The following LRP8 variants were observed in gnomAD, a reference collection of about 807,000 sequenced individuals.
The protein encoded by LRP8 is low-density lipoprotein receptor-related protein 8.
Under a neutral mutation model 111.6 loss-of-function variants are expected in LRP8, and 46 were observed. The ratio of observed to expected loss-of-function variants is 0.41; its 90% confidence interval spans 0.33 to 0.53. The LOEUF (loss-of-function observed/expected upper bound fraction) is 0.53. Ranked by LOEUF, LRP8 falls within the 20% of genes least tolerant of loss-of-function variation. The pLI is 0.20. For missense variants in LRP8, 959 were observed against 1,297.4 expected (o/e 0.74, Z 4.01); for synonymous variants, 464 against 511.2 (o/e 0.91, Z 1.24).
At chr1:53,255,212 G>C in intron 15 of LRP8, 27 bp from the exon 16 acceptor site, 1 of 1,606,656 alleles carries the variant, frequency 6.2e-7, no homozygotes. Context: ...TTTGCAGAAT[G>C]ATGCTCTATC....
rs568935962 is a variant in LRP8 at position 53,319,385 on chromosome 1, G to A, written c.244+7488C>T. Among the ~76,000 whole-genome samples, 9 of 152,300 alleles carry A rather than the reference G, an allele frequency of 5.9e-5. No individual in the cohort carries two copies. The East Asian group carries it at 1.2e-3, about 20-fold the overall frequency. ...GGGTGTCTGTCCTGCCACATGCCAC[G>A]TTCCAAGGGGCAGGCGTGTAGAGGC... On this transcript the variant is annotated intron_variant, in intron 2 of 18. Transcript: ENST00000306052.
Position 53,257,281 on chromosome 1 carries a change from G to C in LRP8, c.2393C>G (p.Pro798Arg), listed in dbSNP as rs112833513. 9 of 1,614,116 alleles carry C rather than the reference G, an allele frequency of 5.6e-6. No homozygotes were observed. In the African/African-American group the frequency reaches 1.2e-4, roughly 22 times the overall value. Residue 798 changes from proline (P) to arginine (R), a missense_variant, in exon 15 of 19, where the codon CCG (proline) becomes CGG (arginine). Pro to Arg is a moderately radical substitution (Grantham distance 103, BLOSUM62 -2). Coordinates refer to ENST00000306052, the MANE Select transcript of LRP8 (RefSeq NM_004631.5). ...GCTGGTTGCAGGGCTTAGGGTAGACGGGCTGATGCTGGGAGCCCTGGGGAC... is the reference window on the plus strand; with the variant it reads ...GCTGGTTGCAGGGCTTAGGGTAGACCGGCTGATGCTGGGAGCCCTGGGGAC... ...VSVPRAPSISPSTLSPATSNH... is the reference protein window; with the variant it reads ...VSVPRAPSISRSTLSPATSNH...
chr1:53,309,899 A>C (rs917233637), intron 2 of LRP8, among the ~76,000 whole-genome samples: 1 of 152,074 alleles, frequency 6.6e-6, no homozygotes, highest in Non-Finnish European at 1.5e-5. Context: ...TTCTGAGCAG[A>C]ACCAACTTTG....
intron 6 of LRP8, among the ~76,000 whole-genome samples, chr1:53,272,378 A>G (rs1275203180): frequency 1.3e-5 from 2 of 152,142 alleles, no homozygotes; most frequent in African/African-American, 4.8e-5. Context: ...CCTGAGCTTT[A>G]GAGTCACAGA....
chr1:53,312,415 A>G (rs1653166327), intron 2 of LRP8, among the ~76,000 whole-genome samples: 1 of 152,194 alleles, frequency 6.6e-6, no homozygotes, highest in Non-Finnish European at 1.5e-5. Flanking sequence ...CCCAGGCCAG[A>G]GTGCAGCGGC....
chr1:53,299,141 C>T (rs1475933961), intron 2 of LRP8, among the ~76,000 whole-genome samples: 1 of 151,964 alleles, frequency 6.6e-6, no homozygotes, highest in East Asian at 1.9e-4. Flanking sequence ...CTGTGTGGAG[C>T]GAATGATTGA....
intron 2 of LRP8, among the ~76,000 whole-genome samples, chr1:53,323,713 G>C (rs1022665577): frequency 1.3e-5 from 2 of 152,242 alleles, no homozygotes; most frequent in Non-Finnish European, 2.9e-5. Context: ...CTGTGGATGA[G>C]GCTCGGGACT....
intron 3 of LRP8, among the ~76,000 whole-genome samples, chr1:53,286,889 C>T (rs913617560): frequency 2.0e-5 from 3 of 152,254 alleles, no homozygotes; most frequent in Admixed American, 6.5e-5. Flanking sequence ...CCATTTACTC[C>T]AGCGATGATA....
At chr1:53,298,989 C>T (rs1650285181) in intron 2 of LRP8, among the ~76,000 whole-genome samples, 1 of 152,222 alleles carries the variant, frequency 6.6e-6, no homozygotes, top group Admixed American at 6.5e-5. Context: ...TCTCGGCCCC[C>T]ACTAACTGTA....
chr1:53,299,766 G>A (rs1650457265), intron 2 of LRP8, among the ~76,000 whole-genome samples: 2 of 152,274 alleles, frequency 1.3e-5, no homozygotes, highest in Non-Finnish European at 2.9e-5. Flanking sequence ...TGGGCCGTCT[G>A]CCACTCCTGG....
chr1:53,300,517 G>A (rs574419345), intron 2 of LRP8, among the ~76,000 whole-genome samples: 15 of 152,294 alleles, frequency 9.8e-5, no homozygotes, highest in African/African-American at 3.6e-4. Flanking sequence ...CAGTGCCTAC[G>A]GGAAGCCCCT....
At position 53,264,543 on chromosome 1, in the gene LRP8, C is replaced by T; in HGVS notation, c.1428-147G>A. On this transcript the variant is annotated intron_variant, in intron 9 of 18. Coordinates refer to ENST00000306052, the MANE Select transcript of LRP8 (RefSeq NM_004631.5). Reference sequence around the variant, plus strand: ...TGGATAATTTCCACTCTACACATTCCCTGGGGTACCAGGGTAGGGGTACAG... The same window carrying T: ...TGGATAATTTCCACTCTACACATTCTCTGGGGTACCAGGGTAGGGGTACAG... 3 of 685,670 alleles carry T rather than the reference C, an allele frequency of 4.4e-6. No individual in the cohort carries two copies. The East Asian group carries it at 8.2e-5, about 19-fold the overall frequency. 42.5% of individuals were successfully genotyped at this position (685,670 alleles called of 1,614,324 possible).
intron 12 of LRP8, among the ~76,000 whole-genome samples, chr1:53,261,213 G>C (rs1185063678): frequency 6.6e-6 from 1 of 152,220 alleles, no homozygotes; most frequent in Non-Finnish European, 1.5e-5. Context: ...CCAGCACTTA[G>C]AGGAATGCAC....
At chr1:53,281,681 C>T (rs1049286194) in intron 3 of LRP8, among the ~76,000 whole-genome samples, 32 of 152,216 alleles carry the variant, frequency 2.1e-4, no homozygotes, top group African/African-American at 6.5e-4. Flanking sequence ...CTACTTCAAT[C>T]ACTCACTGAC....
At chr1:53,292,822 G>A (rs925466494) in intron 2 of LRP8, among the ~76,000 whole-genome samples, 8 of 152,152 alleles carry the variant, frequency 5.3e-5, no homozygotes, top group African/African-American at 1.9e-4. Context: ...GTCACAGTCT[G>A]AACCCACAGT....
intron 2 of LRP8, among the ~76,000 whole-genome samples, chr1:53,315,871 C>A (rs943767563): frequency 1.3e-5 from 2 of 152,282 alleles, no homozygotes; most frequent in East Asian, 3.9e-4. Flanking sequence ...CCAGCAGCAA[C>A]AAGGGATCAG....
At chr1:53,299,457 A>AT (rs1557834110) in intron 2 of LRP8, among the ~76,000 whole-genome samples, 1 of 152,156 alleles carries the variant, frequency 6.6e-6, no homozygotes, top group Non-Finnish European at 1.5e-5. Flanking sequence ...TTATTGGGAA[A>AT]TCCATCTCCT....
chr1:53,277,060 A>G lies in LRP8; in HGVS notation c.515T>C (p.Phe172Ser). 1.3e-6 allele frequency: 2 copies of G among 1,522,826 alleles called. No individual in the cohort carries two copies. The highest frequency in any genetic ancestry group is 1.8e-6 in the Non-Finnish European group (2 of 1,140,578). 94.3% of individuals were successfully genotyped at this position (1,522,826 alleles called of 1,614,324 possible). A position where few individuals can be genotyped will look rare whatever the true frequency, so the allele number is the denominator to read the frequency against. ...CAGGCACGAGCGGTTGCCGCACTGG[A>G]ACTCGTGCGGGGCGCACACTGCGCG... Reference protein sequence around the residue: ...GCATLCAPHEFQCGNRSCLAA... With the variant: ...GCATLCAPHESQCGNRSCLAA... Residue 172 changes from phenylalanine to serine, a missense_variant, in exon 5 of 19, where the codon TTC becomes TCC. This residue lies in a region of LRP8 where 819 missense variants were observed against 1,097.6 expected (regional missense o/e 0.75). Coordinates refer to ENST00000306052, the MANE Select transcript of LRP8 (RefSeq NM_004631.5).
At chr1:53,297,465 G>A (rs116175622) in intron 2 of LRP8, among the ~76,000 whole-genome samples, 1,863 of 152,264 alleles carry the variant, frequency 0.012, 19 homozygotes, top group Non-Finnish European at 0.018. Context: ...GGCGGGACTC[G>A]GTGCGTGGCT....
Sources: gnomAD v4.1 joint callset for allele counts (sites outside exome capture counted in the v4.1 genomes callset) on GRCh38, gnomAD v4.1.1 for gene constraint, gnomAD v4.1.1 regional missense constraint, MANE v1.5 for transcripts, NCBI Gene and HGNC (gene_info 2026-07-23, HGNC 2026-07-21) for gene names.